SH3KBP1: variants seen among roughly 807,000 people sequenced by gnomAD.
SH3KBP1 encodes the protein SH3 domain containing kinase binding protein 1, also known as SH3 domain-containing kinase-binding protein 1.
A neutral mutation model predicts 50.1 loss-of-function variants in SH3KBP1; 8 were observed. The observed-to-expected ratio is 0.16, with a 90% CI of 0.09 to 0.29. The LOEUF is 0.29. Ranked by LOEUF, SH3KBP1 falls within the 10% of genes least tolerant of loss-of-function variation. The pLI is 1.00. For missense variants in SH3KBP1, 377 were observed against 535.2 expected, an observed-to-expected ratio of 0.70 and a Z score of 2.92; for synonymous variants, 227 against 218.6, an observed-to-expected ratio of 1.04 and a Z score of -0.34.
chrX:19,602,048 AC>A lies in SH3KBP1; in HGVS notation c.1005+5889del, dbSNP rs1054746225. Among the ~76,000 whole-genome samples the A allele has an allele frequency of 6.4e-5, 7 of 110,078 alleles. No individual in the cohort carries two copies. In the South Asian group the frequency reaches 2.0e-3, roughly 31 times the overall value. On this transcript the variant is annotated intron_variant, in intron 9 of 17. Coordinates refer to ENST00000397821, the MANE Select transcript of SH3KBP1 (RefSeq NM_031892.3). ...TCTCCCTAAGATGCTCTCACAGTTC[AC>A]CCCTTGGCTCACCCCTTCATTCCAT...
At chrX:19,790,215 G>A (rs1978360161) in intron 2 of SH3KBP1, among the ~76,000 whole-genome samples, 1 of 111,870 alleles carries the variant, frequency 8.9e-6, no homozygotes, top group African/African-American at 3.3e-5. Context: ...GGTTACCTGG[G>A]CTCTGGCAGC....
chrX:19,822,795 T>A (rs184602001), intron 2 of SH3KBP1, among the ~76,000 whole-genome samples: 140 of 112,147 alleles, frequency 1.2e-3, no homozygotes, highest in African/African-American at 4.2e-3. Context: ...ATTAACCCTA[T>A]TGAGGCTAAG....
At chrX:19,569,081 C>G in intron 13 of SH3KBP1, 22 bp downstream of exon 13, 1 of 1,181,934 alleles carries the variant, frequency 8.5e-7, no homozygotes, top group Non-Finnish European at 1.2e-6. Flanking sequence ...CAAAGAGAAG[C>G]GAGAACACTG....
At chrX:19,786,029 C>T (rs2066335395) in intron 2 of SH3KBP1, among the ~76,000 whole-genome samples, 1 of 111,867 alleles carries the variant, frequency 8.9e-6, no homozygotes, top group African/African-American at 3.3e-5. Context: ...GTACTTAGTG[C>T]TATTTGAACC....
At chrX:19,819,244 AATG>A (rs765718909) in intron 2 of SH3KBP1, among the ~76,000 whole-genome samples, 1 of 112,078 alleles carries the variant, frequency 8.9e-6, no homozygotes, top group Admixed American at 9.5e-5. Context: ...CAGAATCTGT[AATG>A]ATATCACCTG....
intron 2 of SH3KBP1, among the ~76,000 whole-genome samples, chrX:19,798,769 AC>A (rs2066800691): frequency 8.9e-6 from 1 of 112,206 alleles, no homozygotes; most frequent in Non-Finnish European, 1.9e-5. Context: ...GGACAGCAAC[AC>A]TGGTGGCATC....
intron 10 of SH3KBP1, among the ~76,000 whole-genome samples, chrX:19,594,390 T>G (rs1161658168): frequency 1.8e-5 from 2 of 112,503 alleles, no homozygotes; most frequent in East Asian, 5.5e-4. Flanking sequence ...AGAAAAAAAG[T>G]GAATTAGACT....
At chrX:19,621,098 G>A (rs1337909103) in intron 8 of SH3KBP1, among the ~76,000 whole-genome samples, 2 of 84,354 alleles carry the variant, frequency 2.4e-5, no homozygotes, top group African/African-American at 4.6e-5. Context: ...TTTTTGAGAC[G>A]GAATCTTGCT....
chrX:19,670,810 G>A, intron 6 of SH3KBP1: 1 of 1,054,628 alleles, frequency 9.5e-7, no homozygotes, highest in Non-Finnish European at 1.2e-6. Context: ...TAAGATACAG[G>A]TTAACTGGAT....
chrX:19,835,977 C>T, intron 2 of SH3KBP1, 148 bp downstream of exon 2: 1 of 552,322 alleles, frequency 1.8e-6, no homozygotes, highest in Non-Finnish European at 3.0e-6. Context: ...ATACCAAGGG[C>T]AAAACTATAC....
intron 3 of SH3KBP1, among the ~76,000 whole-genome samples, chrX:19,717,025 G>A (rs757365240): frequency 1.4e-4 from 15 of 110,753 alleles, no homozygotes; most frequent in African/African-American, 4.3e-4. Context: ...AGAAGGGCTC[G>A]GTGTCAGGGA....
At chrX:19,585,916 C>T (rs901608162) in intron 12 of SH3KBP1, among the ~76,000 whole-genome samples, 1 of 111,942 alleles carries the variant, frequency 8.9e-6, no homozygotes, top group African/African-American at 3.2e-5. Context: ...TTTCCTCCCC[C>T]ACACCCTCCT....
chrX:19,611,906 C>G (rs1464555929), intron 8 of SH3KBP1, among the ~76,000 whole-genome samples: 1 of 83,595 alleles, frequency 1.2e-5, no homozygotes, highest in Non-Finnish European at 2.2e-5. Context: ...GAGATAAGTA[C>G]AGTCAAAAGA....
intron 2 of SH3KBP1, among the ~76,000 whole-genome samples, chrX:19,765,938 C>T (rs73461636): frequency 0.025 from 2,812 of 112,024 alleles, 91 homozygotes; most frequent in African/African-American, 0.086. Context: ...ACTTGGGTTG[C>T]TTCCACCTTT....
At chrX:19,767,901 C>A (rs982907402) in intron 2 of SH3KBP1, among the ~76,000 whole-genome samples, 13 of 110,509 alleles carry the variant, frequency 1.2e-4, no homozygotes, top group Admixed American at 2.9e-4. Flanking sequence ...AGTAGCTTAG[C>A]TTTAGTTCAA....
rs2069632334 is a variant in SH3KBP1, at chrX:19,887,478, CCCGCTGCTGCCTCTGCTGCTGCTG to C, written c.-192_-169del. The C allele has an allele frequency of 3.2e-6, 1 of 315,493 alleles. No individual in the cohort carries two copies. Among genetic ancestry groups the C allele is most frequent in the African/African-American group, 2.9e-5 (1 of 34,527 alleles). 26.0% of individuals were successfully genotyped at this position (315,493 alleles called of 1,213,427 possible). On this transcript the variant is annotated 5_prime_UTR_variant, in exon 1 of 18. Coordinates refer to ENST00000397821, the MANE Select transcript of SH3KBP1 (RefSeq NM_031892.3). ...TGGCGGCGGCGGCGGCTCAGCGCCG[CCCGCTGCTGCCTCTGCTGCTGCTG>C]CCGCTGCTGCCCCGGGGCGACTCCT...
intron 3 of SH3KBP1, among the ~76,000 whole-genome samples, chrX:19,732,792 A>G (rs1262661895): frequency 1.8e-5 from 2 of 112,218 alleles, no homozygotes; most frequent in African/African-American, 3.2e-5. Context: ...TTAATTAGCA[A>G]GAGTGTTCCA....
intron 2 of SH3KBP1, among the ~76,000 whole-genome samples, chrX:19,765,943 AC>A (rs1278636571): frequency 1.8e-5 from 2 of 111,830 alleles, no homozygotes; most frequent in African/African-American, 6.5e-5. Context: ...GGTTGCTTCC[AC>A]CTTTTGCCTT....
intron 13 of SH3KBP1, among the ~76,000 whole-genome samples, chrX:19,566,445 G>A (rs1440794786): frequency 9.0e-6 from 1 of 111,031 alleles, no homozygotes; most frequent in Non-Finnish European, 1.9e-5. Context: ...TAGCAAGCAA[G>A]ACAGATTATC....
Sources: allele counts gnomAD v4.1 joint callset (sites outside exome capture counted in the v4.1 genomes callset), GRCh38; gene constraint gnomAD v4.1.1; transcripts MANE v1.5; gene names NCBI Gene and HGNC (gene_info 2026-07-23, HGNC 2026-07-21).